Variants in EHBP1 observed in about 807,000 individuals in gnomAD.
EHBP1 encodes the protein EH domain binding protein 1, also known as EH domain-binding protein 1.
Under a neutral mutation model 144.0 loss-of-function variants are expected in EHBP1, and 55 were observed. The ratio of observed to expected loss-of-function variants is 0.38; its 90% confidence interval spans 0.31 to 0.48. The LOEUF (loss-of-function observed/expected upper bound fraction) is 0.48, where lower values mean the gene tolerates loss of function less well. EHBP1 is among the 20% of genes least tolerant of loss of function. The pLI is 0.98. For synonymous variants in EHBP1, 469 were observed against 472.7 expected (o/e 0.99, Z 0.10); for missense variants, 1,200 against 1,364.2 (o/e 0.88, Z 1.90).
In EHBP1 at chr2:62,874,519, C is replaced by G. The variant is rs1340578620; in HGVS notation, c.1172C>G (p.Ser391Cys). The change falls in exon 10 of 23, where the codon TCT (serine) becomes TGT (cysteine). Residue 391 changes from serine to cysteine, a missense_variant. Physicochemically the swap from Ser to Cys is moderately radical, Grantham distance 112. Coordinates refer to ENST00000431489, the MANE Select transcript of EHBP1 (RefSeq NM_001142616.3). Reference protein sequence around the residue: ...ENTVSAGKDLSTSPKPSPIPS... With the variant: ...ENTVSAGKDLCTSPKPSPIPS... ...ACAGTTTCTGCAGGAAAAGATCTCT[C>G]TACTTCTCCTAAGGTAGGATTTTAT... is the stretch of plus-strand genomic sequence containing the variant. The G allele has an allele frequency of 6.3e-7, 1 of 1,599,736 alleles. No homozygotes were observed.
At chr2:62,729,048 G>A (rs1219468890) in intron 2 of EHBP1, among the ~76,000 whole-genome samples, 19 of 151,524 alleles carry the variant, frequency 1.3e-4, no homozygotes, top group Admixed American at 1.2e-3. Context: ...TTGCATGAAC[G>A]TGCAGATATA....
In EHBP1 at chr2:62,713,570, G is replaced by A. The variant is rs567496043; in HGVS notation, c.104+6275G>A. ...GGTGCTAAAATCTTTAATGTATGAG[G>A]GGAGAGATGGGGCAGAAGGTTAGAT... On this transcript the variant is annotated intron_variant, in intron 2 of 22. Coordinates refer to ENST00000431489, the MANE Select transcript of EHBP1 (RefSeq NM_001142616.3). Among the ~76,000 whole-genome samples the A allele has an allele frequency of 3.9e-5, 6 of 152,236 alleles. No individual in the cohort carries two copies. In the East Asian group the frequency reaches 1.2e-3, roughly 29 times the overall value.
chr2:62,995,385 G>A (rs919098368), intron 18 of EHBP1, among the ~76,000 whole-genome samples: 1 of 151,872 alleles, frequency 6.6e-6, no homozygotes, highest in Non-Finnish European at 1.5e-5. Context: ...GGTCACATAT[G>A]AGTACAAATT....
At chr2:62,802,220 G>A (rs1277247099) in intron 5 of EHBP1, among the ~76,000 whole-genome samples, 3 of 152,220 alleles carry the variant, frequency 2.0e-5, no homozygotes, top group Non-Finnish European at 4.4e-5. Flanking sequence ...GTGGTGGGTA[G>A]AGTGTGGAAC....
chr2:62,844,843 A>T (rs1053006243), intron 7 of EHBP1, among the ~76,000 whole-genome samples: 3 of 152,160 alleles, frequency 2.0e-5, no homozygotes, highest in Non-Finnish European at 4.4e-5. Context: ...TCAGCTGGAC[A>T]TTCAGATTCA....
At chr2:62,682,866 C>T (rs985521260) in intron 1 of EHBP1, among the ~76,000 whole-genome samples, 1 of 152,116 alleles carries the variant, frequency 6.6e-6, no homozygotes, top group African/African-American at 2.4e-5. Flanking sequence ...CACTCACTGA[C>T]ATTGAAGTGA....
intron 1 of EHBP1, among the ~76,000 whole-genome samples, chr2:62,695,000 G>A (rs2034037199): frequency 6.6e-6 from 1 of 152,176 alleles, no homozygotes; most frequent in South Asian, 2.1e-4. Context: ...CAGAATTAGA[G>A]GATATGAGGA....
At chr2:62,843,382 T>C (rs1158008046) in intron 7 of EHBP1, among the ~76,000 whole-genome samples, 1 of 152,028 alleles carries the variant, frequency 6.6e-6, no homozygotes, top group Non-Finnish European at 1.5e-5. Flanking sequence ...AGGGCACACA[T>C]AATTGAAAGC....
At chr2:62,686,013 C>CA (rs990064136) in intron 1 of EHBP1, among the ~76,000 whole-genome samples, 37 of 151,634 alleles carry the variant, frequency 2.4e-4, no homozygotes, top group African/African-American at 7.0e-4. Context: ...TCAATAAGGA[C>CA]AAAAAAAATA....
At chr2:63,015,800 G>A (rs374433984) in intron 19 of EHBP1, among the ~76,000 whole-genome samples, 2 of 151,862 alleles carry the variant, frequency 1.3e-5, no homozygotes, top group African/African-American at 4.8e-5. Context: ...AAAAAGTGAA[G>A]GTGTGTCATT....
At chr2:62,969,631 C>T (rs950149131) in intron 14 of EHBP1, among the ~76,000 whole-genome samples, 3 of 151,942 alleles carry the variant, frequency 2.0e-5, no homozygotes, top group Non-Finnish European at 4.4e-5. Flanking sequence ...TAAACAAATC[C>T]AAAATTTAGT....
intron 5 of EHBP1, among the ~76,000 whole-genome samples, chr2:62,787,930 T>G (rs921167609): frequency 6.6e-6 from 1 of 152,332 alleles, no homozygotes; most frequent in African/African-American, 2.4e-5. Flanking sequence ...GGCTAATATT[T>G]AAGTAGCAAC....
At chr2:62,904,930 G>A (rs2053681443) in intron 10 of EHBP1, among the ~76,000 whole-genome samples, 1 of 152,126 alleles carries the variant, frequency 6.6e-6, no homozygotes, top group Admixed American at 6.6e-5. Flanking sequence ...ATTCTAGAGA[G>A]TTAGAAAGAT....
At chr2:62,771,464 A>G in intron 5 of EHBP1, 72 bp downstream of exon 5, 1 of 1,151,392 alleles carries the variant, frequency 8.7e-7, no homozygotes, top group Non-Finnish European at 1.2e-6. Context: ...GTACATTGGC[A>G]TTTTGGTGGT....
chr2:62,800,006 T>A (rs1286841015), intron 5 of EHBP1, among the ~76,000 whole-genome samples: 1 of 152,232 alleles, frequency 6.6e-6, no homozygotes, highest in African/African-American at 2.4e-5. Context: ...AAGGTGCTGT[T>A]TCGTCACCTA....
At chr2:63,035,509 A>G (rs781750767) in intron 19 of EHBP1, among the ~76,000 whole-genome samples, 4 of 152,106 alleles carry the variant, frequency 2.6e-5, no homozygotes, top group Non-Finnish European at 4.4e-5. Context: ...TGAAGGAAGC[A>G]GCCTTCCATT....
chr2:62,783,795 C>T (rs1169298962), intron 5 of EHBP1, among the ~76,000 whole-genome samples: 4 of 152,230 alleles, frequency 2.6e-5, no homozygotes, highest in African/African-American at 9.6e-5. Context: ...GAACTGGGGA[C>T]ATTTTCCCCA....
chr2:62,867,106 A>G (rs1240982892), intron 9 of EHBP1, among the ~76,000 whole-genome samples: 1 of 152,120 alleles, frequency 6.6e-6, no homozygotes, highest in Admixed American at 6.6e-5. Flanking sequence ...AATGACAAAT[A>G]TATTAGTATA....
intron 10 of EHBP1, among the ~76,000 whole-genome samples, chr2:62,909,229 A>T (rs2152970695): frequency 6.6e-6 from 1 of 152,142 alleles, no homozygotes; most frequent in African/African-American, 2.4e-5. Context: ...CCTAGGCTGG[A>T]GTGCAGTGGC....
Sources: allele counts gnomAD v4.1 joint callset (sites outside exome capture counted in the v4.1 genomes callset), GRCh38; gene constraint gnomAD v4.1.1; transcripts MANE v1.5; gene names NCBI Gene and HGNC (gene_info 2026-07-23, HGNC 2026-07-21).